The following TAF15 variants were observed in gnomAD, a reference collection of about 807,000 sequenced individuals.
TAF15 encodes the protein TATA-box binding protein associated factor 15.
Under a neutral mutation model 102.5 loss-of-function variants are expected in TAF15, and 37 were observed. The observed-to-expected ratio is 0.36, with a 90% confidence interval of 0.28 to 0.47. The LOEUF (loss-of-function observed/expected upper bound fraction) is 0.47, where lower values mean the gene tolerates loss of function less well. Among genes scored for constraint, TAF15 ranks in the 20% least tolerant of loss-of-function variants. The pLI is 0.99. For missense variants in TAF15, 652 were observed against 760.7 expected (o/e 0.86, Z 1.68); for synonymous variants, 273 against 259.2 (o/e 1.05, Z -0.51).
rs562736433 is a variant in TAF15, at chr17:35,827,158, G to A, written c.605+2960G>A. 2.4e-4 allele frequency among the ~76,000 whole-genome samples: 36 copies of A among 151,758 alleles called. No homozygotes were observed. In the East Asian group the frequency reaches 3.9e-3, roughly 16 times the overall value. On this transcript the variant is annotated intron_variant, in intron 7 of 15. Transcript: ENST00000605844. ...TGTAATCCCAGCGCTTTGGGAGGCC[G>A]AGGCATTTCCACTAAAACTACAAAA...
At chr17:35,840,615 C>T (rs1352709507) in intron 11 of TAF15, among the ~76,000 whole-genome samples, 1 of 151,704 alleles carries the variant, frequency 6.6e-6, no homozygotes, top group African/African-American at 2.4e-5. Context: ...CCTGTAATCC[C>T]AGCACTTTGG....
At chr17:35,843,163 G>A (rs1296513803) in intron 12 of TAF15, among the ~76,000 whole-genome samples, 1 of 150,958 alleles carries the variant, frequency 6.6e-6, no homozygotes, top group Non-Finnish European at 1.5e-5. Flanking sequence ...CGCTCTTGTT[G>A]CCCAGGCTGG....
chr17:35,812,683 A>ATATGTTC (rs1275341781), intron 1 of TAF15, among the ~76,000 whole-genome samples: 1 of 152,050 alleles, frequency 6.6e-6, no homozygotes, highest in Admixed American at 6.6e-5. Flanking sequence ...CTTGCAAAAG[A>ATATGTTC]TATGTTCATA....
chr17:35,844,593 A>C lies in TAF15; in HGVS notation c.1294A>C (p.Ser432Arg). ...RSGGGYGGDRSSGGGYSGDRS... is the reference protein window; with the variant it reads ...RSGGGYGGDRRSGGGYSGDRS... ...TGGGGGTGGCTATGGTGGAGACAGA[A>C]GCAGCGGTGGTGGCTACAGCGGAGA... The change falls in exon 15 of 16, where the codon AGC becomes CGC. Residue 432 changes from serine to arginine, a missense_variant. Physicochemically the swap from Ser to Arg is moderately radical, Grantham distance 110 (BLOSUM62 -1). Transcript: ENST00000605844. The C allele has an allele frequency of 3.9e-6, 6 of 1,535,748 alleles. No individual in the cohort carries two copies. The highest frequency in any genetic ancestry group is 5.2e-6 in the Non-Finnish European group (6 of 1,145,546).
Position 35,847,193 on chromosome 17 carries a change from G to A in TAF15, c.*248G>A. On this transcript the variant is annotated 3_prime_UTR_variant, in exon 16 of 16. Transcript: ENST00000605844. ...TTGTAAAATATTGCCAAAATGAAAA[G>A]TGTTTTGTAATACTGCAATAAAGGC... The A allele has an allele frequency of 3.3e-6, 2 of 607,514 alleles. No individual in the cohort carries two copies. 37.6% of individuals were successfully genotyped at this position (607,514 alleles called of 1,614,324 possible).
intron 1 of TAF15, 43 bp from the exon 2 acceptor site, chr17:35,817,673 C>T: frequency 1.3e-6 from 2 of 1,578,876 alleles, no homozygotes; most frequent in East Asian, 2.2e-5. Flanking sequence ...TTGAAGGAAC[C>T]ATAATTTTAA....
intron 7 of TAF15, among the ~76,000 whole-genome samples, chr17:35,826,588 C>T (rs1298287836): frequency 2.0e-5 from 3 of 146,634 alleles, no homozygotes; most frequent in African/African-American, 7.5e-5. Context: ...GATGGAGTCT[C>T]GCTCTGTTGC....
chr17:35,829,265 T>C (rs4251757), intron 7 of TAF15, among the ~76,000 whole-genome samples: 4,461 of 152,134 alleles, frequency 0.029, 228 homozygotes, highest in African/African-American at 0.1. Context: ...ATTGTCCTTT[T>C]ACTTCTTGGC....
chr17:35,846,048 A>G (rs1235476172), intron 15 of TAF15, among the ~76,000 whole-genome samples: 1 of 152,218 alleles, frequency 6.6e-6, no homozygotes, highest in Non-Finnish European at 1.5e-5. Context: ...GTGCACACGA[A>G]TGGTGTAGAG....
At position 35,847,192 on chromosome 17, in the gene TAF15, A is replaced by T. The variant is rs1250958524; in HGVS notation, c.*247A>T. 8 of 607,806 alleles carry T rather than the reference A, an allele frequency of 1.3e-5. No individual in the cohort carries two copies. The highest frequency in any genetic ancestry group is 2.0e-5 in the Non-Finnish European group (7 of 343,296). The allele number at this position is 607,806 out of a possible 1,614,324, so 37.7% of individuals were successfully genotyped here. A position where few individuals can be genotyped will look rare whatever the true frequency, so the allele number is the denominator to read the frequency against. ...GTTGTAAAATATTGCCAAAATGAAAAGTGTTTTGTAATACTGCAATAAAGG... is the reference window on the plus strand; with the variant it reads ...GTTGTAAAATATTGCCAAAATGAAATGTGTTTTGTAATACTGCAATAAAGG... On this transcript the variant is annotated 3_prime_UTR_variant, in exon 16 of 16. Coordinates refer to ENST00000605844, the MANE Select transcript of TAF15 (RefSeq NM_139215.3).
Position 35,845,031 on chromosome 17 carries a change from G to A in TAF15, c.1732G>A (p.Gly578Arg). 1 of 1,613,934 alleles carries A rather than the reference G, an allele frequency of 6.2e-7. No homozygotes were observed. The highest frequency in any genetic ancestry group is 8.5e-7 in the Non-Finnish European group (1 of 1,179,932). The change falls in exon 15 of 16, where the codon GGA becomes AGA. Residue 578 changes from glycine (G) to arginine (R), a missense_variant. Gly to Arg is a moderately radical substitution (Grantham distance 125, BLOSUM62 -2). Transcript: ENST00000605844. ...GDRGGYGGKM[G>R]GRNDYRNDQR... ...CCGAGGTGGCTATGGAGGCAAAATG[G>A]GAGGAAGGTGAGTATTAGAATGTGT...
At position 35,834,609 on chromosome 17, in the gene TAF15, T is replaced by G. The variant is rs2087447917; in HGVS notation, c.673+11T>G. Reference sequence around the variant, plus strand: ...CCAGAACAGATGCTGGTAAGGTTTATGGTGGTTTGTCACTTTGCCATTAAG... The same window carrying G: ...CCAGAACAGATGCTGGTAAGGTTTAGGGTGGTTTGTCACTTTGCCATTAAG... On this transcript the variant is annotated intron_variant, in intron 9 of 15. Coordinates refer to ENST00000605844, the MANE Select transcript of TAF15 (RefSeq NM_139215.3). 1 of 1,613,486 alleles carries G rather than the reference T, an allele frequency of 6.2e-7. No individual in the cohort carries two copies. Among genetic ancestry groups the G allele is most frequent in the Admixed American group, 1.7e-5 (1 of 59,976 alleles).
rs765087079 is a variant in TAF15 at position 35,844,306 on chromosome 17, G to C, written c.1115G>C (p.Arg372Pro). The change falls in exon 14 of 16, where the codon CGA (arginine) becomes CCA (proline). Residue 372 changes from arginine to proline, a missense_variant. Transcript: ENST00000605844. ...TCATGCGGAAATATGAACTTTGCTC[G>C]AAGGAATTCCTGCAATCAGTGCAAT... ...NPSCGNMNFA[R>P]RNSCNQCNEP... 1 of 1,614,150 alleles carries C rather than the reference G, an allele frequency of 6.2e-7. No individual in the cohort carries two copies. The highest frequency in any genetic ancestry group is 1.1e-5 in the South Asian group (1 of 91,082).
At chr17:35,823,826 T>G in intron 6 of TAF15, 1 of 560,750 alleles carries the variant, frequency 1.8e-6, no homozygotes, top group Non-Finnish European at 3.2e-6. Flanking sequence ...GCCATGTCAC[T>G]TTAGCAGAAT....
intron 7 of TAF15, among the ~76,000 whole-genome samples, chr17:35,830,505 G>A (rs1304663094): frequency 2.0e-5 from 3 of 152,194 alleles, no homozygotes; most frequent in African/African-American, 4.8e-5. Flanking sequence ...GCCTTAGCAT[G>A]TAGAAAAGGG....
intron 11 of TAF15, among the ~76,000 whole-genome samples, chr17:35,840,856 A>T (rs1320884963): frequency 6.7e-6 from 1 of 150,032 alleles, no homozygotes; most frequent in Non-Finnish European, 1.5e-5. Context: ...GCACAGCAAG[A>T]CTCCGTCAAA....
At chr17:35,818,480 T>G (rs2087221077) in intron 2 of TAF15, 1 of 152,194 alleles carries the variant, frequency 6.6e-6, no homozygotes, top group African/African-American at 2.4e-5. Flanking sequence ...AGTTTATGTT[T>G]TATTTAGGAA....
At position 35,844,068 on chromosome 17, in the gene TAF15, T is replaced by A; in HGVS notation, c.1007-9T>A. The A allele has an allele frequency of 6.2e-7, 1 of 1,613,252 alleles. No homozygotes were observed. The highest frequency in any genetic ancestry group is 8.5e-7 in the Non-Finnish European group (1 of 1,179,248). ...TGCTGATTTTTCTCCCCTGGCCCCA[T>A]CCCCCTAGGCCGTGGAGGATATAGA... On this transcript the variant is annotated splice_polypyrimidine_tract_variant and intron_variant, in intron 12 of 15. Transcript: ENST00000605844.
intron 7 of TAF15, among the ~76,000 whole-genome samples, chr17:35,831,785 TAAAA>T (rs1381339892): frequency 1.3e-5 from 2 of 152,024 alleles, no homozygotes; most frequent in African/African-American, 4.8e-5. Flanking sequence ...TTTTTGGAGT[TAAAA>T]AACCTCTGAG....
Sources: gnomAD v4.1 joint callset for allele counts (sites outside exome capture counted in the v4.1 genomes callset) on GRCh38, gnomAD v4.1.1 for gene constraint, MANE v1.5 for transcripts, NCBI Gene and HGNC (gene_info 2026-07-23, HGNC 2026-07-21) for gene names.